RBM6: variants seen among roughly 807,000 people sequenced by gnomAD.
RBM6 encodes the protein RNA binding motif protein 6.
Under a neutral mutation model 140.4 loss-of-function variants are expected in RBM6, and 23 were observed. The ratio of observed to expected loss-of-function variants is 0.16; its 90% confidence interval spans 0.12 to 0.23. RBM6 has a LOEUF of 0.23. Ranked by LOEUF, RBM6 falls within the 10% of genes least tolerant of loss-of-function variation. The pLI is 1.00. For synonymous variants in RBM6, 439 were observed against 475.6 expected, an observed-to-expected ratio of 0.92 and a Z score of 1.00; for missense variants, 1,139 against 1,386.7, an observed-to-expected ratio of 0.82 and a Z score of 2.84.
intron 6 of RBM6, among the ~76,000 whole-genome samples, chr3:50,013,484 G>A (rs192841460): frequency 5.5e-4 from 83 of 152,168 alleles, no homozygotes; most frequent in African/African-American, 1.8e-3. Context: ...TCCTGGCCTC[G>A]TGGTGAAACC....
intron 7 of RBM6, among the ~76,000 whole-genome samples, chr3:50,052,938 T>C (rs953145331): frequency 3.3e-5 from 5 of 150,940 alleles, no homozygotes; most frequent in African/African-American, 1.2e-4. Context: ...AGAGAGGAAG[T>C]ATACTCACCC....
chr3:49,980,763 A>C (rs2085272748), intron 5 of RBM6, among the ~76,000 whole-genome samples: 7 of 144,696 alleles, frequency 4.8e-5, no homozygotes, highest in Admixed American at 4.8e-4. Context: ...ATTCATCTTA[A>C]AAAAAAAAAA....
intron 7 of RBM6, among the ~76,000 whole-genome samples, chr3:50,052,238 T>C (rs2089499266): frequency 6.6e-6 from 1 of 152,188 alleles, no homozygotes; most frequent in African/African-American, 2.4e-5. Flanking sequence ...CTAATTTTTG[T>C]ATTTTTAATA....
intron 6 of RBM6, among the ~76,000 whole-genome samples, chr3:50,012,624 T>G (rs1297523198): frequency 1.3e-5 from 2 of 152,084 alleles, no homozygotes; most frequent in Non-Finnish European, 2.9e-5. Context: ...CCCAAAGTGC[T>G]GAGATTACAG....
intron 1 of RBM6, among the ~76,000 whole-genome samples, chr3:49,954,620 TCTATA>T (rs1415832299): frequency 6.6e-6 from 1 of 151,814 alleles, no homozygotes; most frequent in African/African-American, 2.4e-5. Flanking sequence ...GGTCTGTATG[TCTATA>T]CTATGTCAGT....
At chr3:49,960,039 G>C (rs1453253859) in intron 1 of RBM6, among the ~76,000 whole-genome samples, 1 of 152,184 alleles carries the variant, frequency 6.6e-6, no homozygotes, top group African/African-American at 2.4e-5. Flanking sequence ...TCTGTAGTCT[G>C]CTTTGCAGCT....
intron 3 of RBM6, 50 bp downstream of exon 3, chr3:49,968,798 T>TTTTTAGGG: frequency 7.6e-7 from 1 of 1,320,274 alleles, no homozygotes; most frequent in Non-Finnish European, 1.0e-6. Context: ...TTTTTTTTTT[T>TTTTTAGGG]GAGACGGAGT....
rs754595159 is a variant in RBM6, at chr3:50,058,381, T to A, written c.1970-21T>A. On this transcript the variant is annotated intron_variant, in intron 9 of 20. Transcript: ENST00000266022. ...CTTTCTCTCCCTTGTGTTGCCCTTC[T>A]CCCATTTATGGTTGATTCAGCTATC... The A allele has an allele frequency of 4.4e-6, 7 of 1,594,834 alleles. No homozygotes were observed. The South Asian group carries it at 7.7e-5, about 18-fold the overall frequency.
intron 6 of RBM6, among the ~76,000 whole-genome samples, chr3:50,013,208 G>C (rs923735020): frequency 1.3e-5 from 2 of 152,134 alleles, no homozygotes; most frequent in Admixed American, 1.3e-4. Context: ...ATTTCCATTG[G>C]GTTGAGTGGA....
chr3:49,989,130 T>C (rs1232765215), intron 5 of RBM6, among the ~76,000 whole-genome samples: 1 of 152,188 alleles, frequency 6.6e-6, no homozygotes, highest in Non-Finnish European at 1.5e-5. Context: ...TTTTCCCTAA[T>C]GACTTATCAA....
At position 50,061,584 on chromosome 3, in the gene RBM6, T is replaced by C. The variant is rs773530089; in HGVS notation, c.2439+37T>C. The C allele has an allele frequency of 1.2e-5, 15 of 1,282,628 alleles. No homozygotes were observed. The African/African-American group carries it at 1.8e-4, about 15-fold the overall frequency. 79.5% of individuals were successfully genotyped at this position (1,282,628 alleles called of 1,614,324 possible). On this transcript the variant is annotated intron_variant, in intron 14 of 20. Coordinates refer to ENST00000266022, the MANE Select transcript of RBM6 (RefSeq NM_005777.3). ...GCTTTTTTTTTTTTTTTTTTTTTTT[T>C]ACCTCTGTCAATGATTCTTTTGAGA...
chr3:50,039,482 A>ACCCCCCCCCCCCCC (rs10546220), intron 6 of RBM6, among the ~76,000 whole-genome samples: 12 of 122,138 alleles, frequency 9.8e-5, no homozygotes, highest in African/African-American at 1.6e-4. Flanking sequence ...CAGGTGATCC[A>ACCCCCCCCCCCCCC]CCCCCCCCCC....
chr3:50,009,678 C>A (rs2086752686), intron 6 of RBM6, among the ~76,000 whole-genome samples: 1 of 150,878 alleles, frequency 6.6e-6, no homozygotes, highest in African/African-American at 2.4e-5. Flanking sequence ...CTACCTCAGC[C>A]TTCTGAATAG....
At chr3:50,005,274 A>G (rs1355926861) in intron 6 of RBM6, among the ~76,000 whole-genome samples, 3 of 152,118 alleles carry the variant, frequency 2.0e-5, no homozygotes, top group Non-Finnish European at 4.4e-5. Flanking sequence ...TGACAGGAGG[A>G]TCACTTGAGC....
rs1432493697 is a variant in RBM6 at position 50,062,015 on chromosome 3, G to A, written c.2493G>A (p.Lys831=). ...GATTACCTGAGGAAGAAGAGATCAA[G>A]GAAAAAAAACCCACCAGTCAAGGAA... ...DPGLPEEEEI[K]EKKPTSQGKS... Residue 831 remains lysine, a synonymous_variant, in exon 15 of 21, where the codon AAG becomes AAA. Transcript: ENST00000266022. The A allele has an allele frequency of 6.2e-7, 1 of 1,613,492 alleles. No individual in the cohort carries two copies. The highest frequency in any genetic ancestry group is 8.5e-7 in the Non-Finnish European group (1 of 1,179,820).
chr3:50,042,793 A>G (rs2089004571), intron 6 of RBM6, among the ~76,000 whole-genome samples: 2 of 152,114 alleles, frequency 1.3e-5, no homozygotes, highest in South Asian at 4.1e-4. Context: ...TTTTGAGCCA[A>G]CGGAATGGGA....
intron 6 of RBM6, among the ~76,000 whole-genome samples, chr3:50,034,995 C>CCGTCT (rs1553658826): frequency 7.9e-6 from 1 of 126,752 alleles, no homozygotes; most frequent in African/African-American, 3.0e-5. Context: ...CTCTCCTCTT[C>CCGTCT]CCTCTCCTCT....
Position 50,002,324 on chromosome 3 carries a change from C to T in RBM6, c.1557+2811C>T, listed in dbSNP as rs1024161037. On this transcript the variant is annotated intron_variant, in intron 6 of 20. Coordinates refer to ENST00000266022, the MANE Select transcript of RBM6 (RefSeq NM_005777.3). ...TTGCCCAGGCTGGAGTGCGGTGGCA[C>T]GATCTCAGCTCATTGCAACCTCTAC... is the stretch of plus-strand genomic sequence containing the variant. 5.0e-4 allele frequency among the ~76,000 whole-genome samples: 76 copies of T among 151,216 alleles called. 1 individual carries two copies. The highest frequency in any genetic ancestry group is 1.8e-3 in the African/African-American group (73 of 41,140).
intron 1 of RBM6, among the ~76,000 whole-genome samples, chr3:49,959,764 G>C (rs2084198707): frequency 6.6e-6 from 1 of 151,550 alleles, no homozygotes; most frequent in African/African-American, 2.4e-5. Flanking sequence ...TAGAGACGGG[G>C]TGTCACCATG....
Sources: allele counts gnomAD v4.1 joint callset (sites outside exome capture counted in the v4.1 genomes callset), GRCh38; gene constraint gnomAD v4.1.1; transcripts MANE v1.5; gene names NCBI Gene and HGNC (gene_info 2026-07-23, HGNC 2026-07-21).